MAST3: variants seen among roughly 807,000 people sequenced by gnomAD.
The protein encoded by MAST3 is microtubule-associated serine/threonine-protein kinase 3.
In MAST3, 43 loss-of-function variants were observed where a neutral mutation model predicts 127.0. That is an observed-to-expected ratio of 0.34 (90% CI 0.27 to 0.44). The LOEUF (loss-of-function observed/expected upper bound fraction) is 0.44. Among genes scored for constraint, MAST3 ranks in the 20% least tolerant of loss-of-function variants. The pLI is 1.00. For missense variants in MAST3, 1,390 were observed against 1,919.1 expected (o/e 0.72, Z 5.15); for synonymous variants, 785 against 809.2 (o/e 0.97, Z 0.51).
intron 21 of MAST3, 101 bp downstream of exon 21, chr19:18,142,116 G>GA: frequency 8.0e-7 from 1 of 1,247,100 alleles, no homozygotes; most frequent in Non-Finnish European, 1.0e-6. Context: ...TGGCCAAGTA[G>GA]AAAAGGGTCA....
intron 20 of MAST3, among the ~76,000 whole-genome samples, chr19:18,140,218 A>G (rs1033885252): frequency 4.0e-5 from 3 of 74,836 alleles, no homozygotes; most frequent in East Asian, 4.2e-4. Context: ...TGTCTCTACT[A>G]AAAATACAAA....
At position 18,131,942 on chromosome 19, in the gene MAST3, G is replaced by A; in HGVS notation, c.1466G>A (p.Gly489Asp). The part of the protein sequence containing the change: ...GDCATLLKNM[G>D]PLPVDMARLY... The stretch of plus-strand genomic sequence containing the variant: ...TGCGCCACGCTCCTGAAGAACATGG[G>A]CCCGCTGCCCGTGGACATGGCCCGC... Residue 489 changes from glycine (G) to aspartate (D), a missense_variant, in exon 15 of 28, where the codon GGC becomes GAC. Gly to Asp is a moderately conservative substitution (Grantham distance 94). Coordinates refer to ENST00000687212, the MANE Select transcript of MAST3 (RefSeq NM_001393504.1). The A allele has an allele frequency of 6.2e-7, 1 of 1,610,078 alleles. No individual in the cohort carries two copies.
In MAST3 at chr19:18,149,630, G is replaced by A; in HGVS notation, c.3948G>A (p.Gln1316=). The A allele has an allele frequency of 1.2e-6, 2 of 1,613,296 alleles. No individual in the cohort carries two copies. The highest frequency in any genetic ancestry group is 1.7e-6 in the Non-Finnish European group (2 of 1,179,886). ...AVQEVSFDEP[Q]EEATGLPTSV... Reference sequence around the variant, plus strand: ...AGGAGGTTAGCTTCGATGAGCCGCAGGAGGAGGCCACTGGGCTGCCCACCT... The same window carrying A: ...AGGAGGTTAGCTTCGATGAGCCGCAAGAGGAGGCCACTGGGCTGCCCACCT... Residue 1316 remains glutamine (Q), a synonymous_variant, in exon 28 of 28, where the codon CAG becomes CAA. Transcript: ENST00000687212. The surrounding 1 kb of genome is among the most constrained non-coding windows in gnomAD (Gnocchi z 5.9).
chr19:18,120,047 A>G (rs1274906378), intron 3 of MAST3, among the ~76,000 whole-genome samples: 3 of 152,024 alleles, frequency 2.0e-5, no homozygotes, highest in Non-Finnish European at 4.4e-5. Flanking sequence ...TCCTTCTGTC[A>G]AGGTGTGGGC....
At position 18,147,511 on chromosome 19, in the gene MAST3, C is replaced by G; in HGVS notation, c.3395C>G (p.Ser1132Cys). The stretch of plus-strand genomic sequence containing the variant: ...CTGCACACCAGCCGCAGCTTCTCCT[C>G]CGGACTCCACCACTCACTGTCATCC... ...SVLHTSRSFS[S>C]GLHHSLSSSE... Residue 1132 changes from serine to cysteine, a missense_variant, in exon 27 of 28, where the codon TCC becomes TGC. By Grantham distance (112) the Ser-to-Cys change is moderately radical (BLOSUM62 -1). This residue lies in a region of MAST3 where 816 missense variants were observed against 934.1 expected (regional missense o/e 0.87). Transcript: ENST00000687212. The G allele has an allele frequency of 1.2e-6, 2 of 1,612,428 alleles. No individual in the cohort carries two copies. Among genetic ancestry groups the G allele is most frequent in the Non-Finnish European group, 8.5e-7 (1 of 1,179,210 alleles).
At chr19:18,128,625 G>A (rs1006772986) in intron 12 of MAST3, among the ~76,000 whole-genome samples, 167 bp downstream of exon 12, 3 of 152,236 alleles carry the variant, frequency 2.0e-5, no homozygotes, top group East Asian at 1.9e-4. Context: ...CTTGGAAGTC[G>A]GGTGGGGGCA....
intron 7 of MAST3, 73 bp from the exon 8 acceptor site, chr19:18,123,507 C>A: frequency 6.8e-7 from 1 of 1,469,668 alleles, no homozygotes; most frequent in Non-Finnish European, 9.1e-7. Flanking sequence ...TCAACCCTGG[C>A]TCAGATCCCC....
At chr19:18,126,095 G>A (rs567705021) in intron 11 of MAST3, among the ~76,000 whole-genome samples, 5 of 152,070 alleles carry the variant, frequency 3.3e-5, no homozygotes, top group Admixed American at 6.6e-5. Flanking sequence ...AGTAGTGCGC[G>A]CCTGTAGTCC....
At position 18,150,272 on chromosome 19, in the gene MAST3, C is replaced by T. The variant is rs1387498614; in HGVS notation, c.*546C>T. 6.5e-6 allele frequency: 1 copy of T among 154,202 alleles called. No individual in the cohort carries two copies. The highest frequency in any genetic ancestry group is 1.9e-4 in the East Asian group (1 of 5,220). The allele number at this position is 154,202 out of a possible 1,614,324, so 9.6% of individuals were successfully genotyped here. ...AAGTGCTGGGATTACAGGCGTGAGCCACTGGGCCCAGCCTAATTTATTACT... is the reference window on the plus strand; with the variant it reads ...AAGTGCTGGGATTACAGGCGTGAGCTACTGGGCCCAGCCTAATTTATTACT... On this transcript the variant is annotated 3_prime_UTR_variant, in exon 28 of 28. Transcript: ENST00000687212.
rs997562077 is a variant in MAST3 at position 18,149,207 on chromosome 19, A to C, written c.3525A>C (p.Pro1175=). 8 of 1,526,884 alleles carry C rather than the reference A, an allele frequency of 5.2e-6. No homozygotes were observed. The highest frequency in any genetic ancestry group is 1.2e-5 in the South Asian group (1 of 80,330). 94.6% of individuals were successfully genotyped at this position (1,526,884 alleles called of 1,614,324 possible). ...PDVPADTTAS[P]PSASPSSSSP... ...CACCCACAGATACCACTGCATCCCC[A>C]CCCAGCGCATCCCCGAGCTCCAGCA... The change falls in exon 28 of 28, where the codon CCA becomes CCC. Residue 1175 remains proline (P), a synonymous_variant. Transcript: ENST00000687212. The surrounding 1 kb of genome is among the most constrained non-coding windows in gnomAD (Gnocchi z 5.9).
chr19:18,102,258 G>A (rs1195623615), intron 1 of MAST3, among the ~76,000 whole-genome samples: 1 of 149,850 alleles, frequency 6.7e-6, no homozygotes, highest in South Asian at 2.1e-4. Flanking sequence ...TCGGCTCACC[G>A]CAACCTCTGC....
In MAST3 at chr19:18,149,897, AT is replaced by A; in HGVS notation, c.*172del. 4 of 738,568 alleles carry A rather than the reference AT, an allele frequency of 5.4e-6. No individual in the cohort carries two copies. The highest frequency in any genetic ancestry group is 5.5e-6 in the Non-Finnish European group (3 of 542,746). 45.8% of individuals were successfully genotyped at this position (738,568 alleles called of 1,614,324 possible). ...AGACATCGCTTGTGTTCTGGTGTCAATCGGGGCTGGATGGGGCAAGAATGGG... is the reference window on the plus strand; with the variant it reads ...AGACATCGCTTGTGTTCTGGTGTCAACGGGGCTGGATGGGGCAAGAATGGG... On this transcript the variant is annotated 3_prime_UTR_variant, in exon 28 of 28. Transcript: ENST00000687212. This position sits in a 1 kb window ranked among gnomAD's most constrained non-coding sequence, Gnocchi z 5.9.
chr19:18,106,652 A>G (rs1221199071), intron 1 of MAST3, among the ~76,000 whole-genome samples: 1 of 150,774 alleles, frequency 6.6e-6, no homozygotes, highest in African/African-American at 2.4e-5. Flanking sequence ...GCTCACTGCA[A>G]CCTCCGCCTC....
rs192949266 is a variant in MAST3, at chr19:18,143,529, T to C, written c.2340-234T>C. Among the ~76,000 whole-genome samples the C allele has an allele frequency of 1.3e-4, 20 of 152,100 alleles. 2 individuals carry two copies. The highest frequency in any genetic ancestry group is 1.3e-3 in the Admixed American group (20 of 15,272). ...AGGCAGTGGTTGTAGTGAGCTGAGA[T>C]TGCACCACTGCACTTCAGCCTGGGT... On this transcript the variant is annotated intron_variant, in intron 21 of 27. Transcript: ENST00000687212.
rs1183285831 is a variant in MAST3, at chr19:18,118,099, G to C, written c.162-3586G>C. Reference sequence around the variant, plus strand: ...TGTCCGGCTCCGCGGGGCTCCTGGGGCCGATCCCACCGCCGAGGCCTCCCT... The same window carrying C: ...TGTCCGGCTCCGCGGGGCTCCTGGGCCCGATCCCACCGCCGAGGCCTCCCT... On this transcript the variant is annotated intron_variant, in intron 3 of 27. Coordinates refer to ENST00000687212, the MANE Select transcript of MAST3 (RefSeq NM_001393504.1). 3 of 985,272 alleles carry C rather than the reference G, an allele frequency of 3.0e-6. No homozygotes were observed. The East Asian group carries it at 3.4e-4, about 112-fold the overall frequency. 61.0% of individuals were successfully genotyped at this position (985,272 alleles called of 1,614,324 possible).
intron 2 of MAST3, among the ~76,000 whole-genome samples, chr19:18,108,251 C>T (rs192670697): frequency 6.6e-6 from 1 of 151,792 alleles, no homozygotes; most frequent in East Asian, 1.9e-4. Context: ...GCTCCCACCA[C>T]CAGACTTCAG....
In MAST3 at chr19:18,145,075, ACT is replaced by A; in HGVS notation, c.2888_2889del (p.Ser963PhefsTer39). The A allele has an allele frequency of 6.2e-7, 1 of 1,609,156 alleles. No homozygotes were observed. Among genetic ancestry groups the A allele is most frequent in the Non-Finnish European group, 8.5e-7 (1 of 1,179,010 alleles). ...CTGTCCTCGAACCCGTCGTCCCGTGACTCTTCGCCGAGCCGAGACCCGTCCCC... is the reference window on the plus strand; with the variant it reads ...CTGTCCTCGAACCCGTCGTCCCGTGACTTCGCCGAGCCGAGACCCGTCCCC... On this transcript the variant is annotated frameshift_variant, in exon 24 of 28. Coordinates refer to ENST00000687212, the MANE Select transcript of MAST3 (RefSeq NM_001393504.1). LOFTEE classifies it high-confidence loss of function. The surrounding 1 kb of genome is among the most constrained non-coding windows in gnomAD (Gnocchi z 5.9).
intron 1 of MAST3, among the ~76,000 whole-genome samples, chr19:18,105,415 G>T (rs1013284069): frequency 6.6e-6 from 1 of 151,718 alleles, no homozygotes; most frequent in African/African-American, 2.4e-5. Flanking sequence ...AGGCATGGTG[G>T]CTTATGCCTG....
In MAST3 at chr19:18,146,845, A is replaced by G. The variant is rs573906384; in HGVS notation, c.3163-36A>G. ...CCTGGCAAGTGCTGGGCCCTGTGAG[A>G]GGCACAGAGGCAACCCCTCACCATC... On this transcript the variant is annotated intron_variant, in intron 25 of 27. Transcript: ENST00000687212. 13 of 1,517,870 alleles carry G rather than the reference A, an allele frequency of 8.6e-6. No individual in the cohort carries two copies. In the East Asian group the frequency reaches 3.0e-4, roughly 35 times the overall value. 94.0% of individuals were successfully genotyped at this position (1,517,870 alleles called of 1,614,324 possible). A position where few individuals can be genotyped will look rare whatever the true frequency, so the allele number is the denominator to read the frequency against.
Sources: allele counts gnomAD v4.1 joint callset (sites outside exome capture counted in the v4.1 genomes callset), GRCh38; gene constraint gnomAD v4.1.1; regional missense constraint gnomAD v4.1.1; non-coding constraint Gnocchi (gnomAD v3.1); transcripts MANE v1.5; gene names NCBI Gene and HGNC (gene_info 2026-07-23, HGNC 2026-07-21).